AGGF1: variants seen among roughly 807,000 people sequenced by gnomAD.
AGGF1 encodes angiogenic factor with G-patch and FHA domains 1, also known as angiogenic factor with G patch and FHA domains 1.
In AGGF1, 56 loss-of-function variants were observed where a neutral mutation model predicts 86.5. The observed-to-expected ratio is 0.65, with a 90% CI of 0.52 to 0.81. The LOEUF is 0.81. Among genes scored for constraint, AGGF1 ranks in the 30% least tolerant of loss-of-function variants. The probability of loss-of-function intolerance (pLI) is 0.00; values close to 1 mark genes in which losing one functional copy is unlikely to be tolerated. For synonymous variants in AGGF1, 313 were observed against 297.1 expected, an observed-to-expected ratio of 1.05 and a Z score of -0.55; for missense variants, 816 against 850.9, an observed-to-expected ratio of 0.96 and a Z score of 0.51.
Position 77,063,227 on chromosome 5 carries a change from C to T in AGGF1, c.2120C>T (p.Pro707Leu). 1.2e-6 allele frequency: 2 copies of T among 1,613,672 alleles called. No homozygotes were observed. Among genetic ancestry groups the T allele is most frequent in the Non-Finnish European group, 1.7e-6 (2 of 1,179,796 alleles). The change falls in exon 14 of 14, where the codon CCT becomes CTT. Residue 707 changes from proline to leucine, a missense_variant. Transcript: ENST00000312916. Reference protein sequence around the residue: ...KPQKDDPGTMPWVKGTLE With the variant: ...KPQKDDPGTMLWVKGTLE ...CAAAAAGATGACCCAGGGACCATGC[C>T]TTGGGTAAAAGGGACTTTAGAGTGA...
chr5:77,057,343 A>C (rs973395973), intron 11 of AGGF1, among the ~76,000 whole-genome samples: 1 of 152,174 alleles, frequency 6.6e-6, no homozygotes, highest in Non-Finnish European at 1.5e-5. Flanking sequence ...ACTGAGAAAA[A>C]CTCAAATGTC....
chr5:77,047,206 GA>G (rs375067186), intron 6 of AGGF1, among the ~76,000 whole-genome samples: 63 of 151,620 alleles, frequency 4.2e-4, no homozygotes, highest in African/African-American at 1.5e-3. Flanking sequence ...AATATTCAGG[GA>G]AAAAAATGGA....
chr5:77,036,827 C>A, intron 4 of AGGF1, 107 bp downstream of exon 4: 3 of 1,251,706 alleles, frequency 2.4e-6, no homozygotes, highest in South Asian at 1.2e-5. Flanking sequence ...AACTTTCACC[C>A]CCCAGGTTCA....
rs138589794 is a variant in AGGF1 at position 77,053,989 on chromosome 5, G to A, written c.1492G>A (p.Val498Ile). 2.2e-4 allele frequency: 362 copies of A among 1,614,070 alleles called. No individual in the cohort carries two copies. The highest frequency in any genetic ancestry group is 2.9e-4 in the Non-Finnish European group (342 of 1,180,012). The part of the protein sequence containing the change: ...LQPKTKCDPY[V>I]LEHGDEVKIG... ...GCCGAAAACTAAATGTGACCCTTAC[G>A]TACTTGAGCATGGAGATGAAGTCAA... The change falls in exon 10 of 14, where the codon GTA becomes ATA. Residue 498 changes from valine to isoleucine, a missense_variant. Coordinates refer to ENST00000312916, the MANE Select transcript of AGGF1 (RefSeq NM_018046.5).
At chr5:77,055,634 A>T (rs775438904) in intron 11 of AGGF1, 38 bp downstream of exon 11, 6 of 1,435,092 alleles carry the variant, frequency 4.2e-6, no homozygotes, top group South Asian at 3.5e-5. Flanking sequence ...GTTAAGCTGT[A>T]TATCTGGTTT....
At position 77,063,597 on chromosome 5, in the gene AGGF1, C is replaced by T. The variant is rs577553288; in HGVS notation, c.*345C>T. ...GACTTAAGTGTACATCTGTTCTTGT[C>T]TCCATATATTCATGTAAGATGCACA... On this transcript the variant is annotated 3_prime_UTR_variant, in exon 14 of 14. Coordinates refer to ENST00000312916, the MANE Select transcript of AGGF1 (RefSeq NM_018046.5). The T allele has an allele frequency of 3.8e-6, 1 of 266,406 alleles. No homozygotes were observed. The highest frequency in any genetic ancestry group is 5.1e-5 in the Admixed American group (1 of 19,578). The allele number at this position is 266,406 out of a possible 1,614,324, so 16.5% of individuals were successfully genotyped here.
intron 5 of AGGF1, among the ~76,000 whole-genome samples, chr5:77,043,547 CCT>C: frequency 1.4e-5 from 2 of 146,660 alleles, no homozygotes; most frequent in South Asian, 2.2e-4. Flanking sequence ...GACCCCCCCA[CCT>C]CCCTCCCGGA....
At chr5:77,046,226 C>T (rs1401658870) in intron 5 of AGGF1, 121 bp from the exon 6 acceptor site, 2 of 874,742 alleles carry the variant, frequency 2.3e-6, no homozygotes, top group African/African-American at 1.6e-5. Flanking sequence ...CAGATTGTAA[C>T]CATTGTTATT....
chr5:77,037,368 A>G (rs1279086920), intron 4 of AGGF1, among the ~76,000 whole-genome samples: 2 of 152,206 alleles, frequency 1.3e-5, no homozygotes, highest in East Asian at 3.8e-4. Context: ...ATTATATCAA[A>G]TACTTTATGA....
intron 5 of AGGF1, among the ~76,000 whole-genome samples, chr5:77,040,659 CTTT>C (rs1169004938): frequency 1.3e-5 from 2 of 152,254 alleles, no homozygotes; most frequent in Admixed American, 6.5e-5. Context: ...TAACAGTGTT[CTTT>C]ATTTCTACTC....
intron 7 of AGGF1, 120 bp from the exon 8 acceptor site, chr5:77,048,816 C>A: frequency 2.1e-6 from 2 of 949,192 alleles, no homozygotes; most frequent in Non-Finnish European, 3.4e-6. Context: ...AATCCATAAC[C>A]AGGAGATTTA....
At chr5:77,039,256 T>C (rs986202520) in intron 4 of AGGF1, among the ~76,000 whole-genome samples, 2 of 152,154 alleles carry the variant, frequency 1.3e-5, no homozygotes, top group Non-Finnish European at 2.9e-5. Context: ...CTGTTTCTTA[T>C]AAGTTAAAAG....
chr5:77,047,613 A>G (rs1231012781), intron 6 of AGGF1, among the ~76,000 whole-genome samples: 3 of 152,052 alleles, frequency 2.0e-5, no homozygotes, highest in African/African-American at 7.2e-5. Flanking sequence ...TCCTGGGTTC[A>G]AGTGATTCTC....
chr5:77,034,871 A>T (rs771901587), intron 2 of AGGF1, among the ~76,000 whole-genome samples: 6 of 152,206 alleles, frequency 3.9e-5, no homozygotes, highest in Non-Finnish European at 7.3e-5. Context: ...AATTATGTAT[A>T]GTATCAGTCT....
chr5:77,061,750 G>A lies in AGGF1; in HGVS notation c.1892G>A (p.Gly631Asp), dbSNP rs1747568067. The A allele has an allele frequency of 3.7e-6, 6 of 1,610,832 alleles. No homozygotes were observed. The highest frequency in any genetic ancestry group is 4.2e-6 in the Non-Finnish European group (5 of 1,178,124). ...NKGRKMLEKM[G>D]WKKGEGLGKD... Reference sequence around the variant, plus strand: ...GGTCGGAAGATGTTGGAGAAGATGGGTTGGAAGAAAGGAGAGGGCCTGGGG... The same window carrying A: ...GGTCGGAAGATGTTGGAGAAGATGGATTGGAAGAAAGGAGAGGGCCTGGGG... Residue 631 changes from glycine (G) to aspartate (D), a missense_variant, in exon 13 of 14, where the codon GGT becomes GAT. Transcript: ENST00000312916.
Position 77,063,667 on chromosome 5 carries a change from G to A in AGGF1, c.*415G>A. The A allele has an allele frequency of 5.3e-6, 1 of 188,726 alleles. No homozygotes were observed. The highest frequency in any genetic ancestry group is 1.1e-5 in the Non-Finnish European group (1 of 90,620). 11.7% of individuals were successfully genotyped at this position (188,726 alleles called of 1,614,324 possible). A position where few individuals can be genotyped will look rare whatever the true frequency, so the allele number is the denominator to read the frequency against. On this transcript the variant is annotated 3_prime_UTR_variant, in exon 14 of 14. Transcript: ENST00000312916. The stretch of plus-strand genomic sequence containing the variant: ...TTTATAAAAATAAATCTGACTATAT[G>A]CATCCTCATTTATTCCCTTTAGAAC...
chr5:77,031,749 C>G (rs1329177824), intron 1 of AGGF1, among the ~76,000 whole-genome samples: 4 of 152,014 alleles, frequency 2.6e-5, no homozygotes, highest in Non-Finnish European at 4.4e-5. Flanking sequence ...CTACTAAATA[C>G]AAAAATTAGC....
At chr5:77,047,358 A>C (rs1398300150) in intron 6 of AGGF1, among the ~76,000 whole-genome samples, 2 of 148,978 alleles carry the variant, frequency 1.3e-5, no homozygotes, top group Non-Finnish European at 3.0e-5. Context: ...AAGGATGCAC[A>C]TAAGTTATAT....
In AGGF1 at chr5:77,030,733, C is replaced by G; in HGVS notation, c.-34C>G. 6.5e-7 allele frequency: 1 copy of G among 1,548,014 alleles called. No homozygotes were observed. Among genetic ancestry groups the G allele is most frequent in the South Asian group, 1.2e-5 (1 of 85,576 alleles). ...GTCCGTTTCGGCCTGAACGCAGCCC[C>G]TCCGCGGCGACGAGCAGTCTCGCGC... On this transcript the variant is annotated 5_prime_UTR_variant, in exon 1 of 14. Coordinates refer to ENST00000312916, the MANE Select transcript of AGGF1 (RefSeq NM_018046.5).
Sources: gnomAD v4.1 joint callset for allele counts (sites outside exome capture counted in the v4.1 genomes callset) on GRCh38, gnomAD v4.1.1 for gene constraint, MANE v1.5 for transcripts, NCBI Gene and HGNC (gene_info 2026-07-23, HGNC 2026-07-21) for gene names.